ACACB: variants seen among roughly 807,000 people sequenced by gnomAD.
ACACB encodes the protein acetyl-CoA carboxylase beta.
Under a neutral mutation model 278.8 loss-of-function variants are expected in ACACB, and 209 were observed. The observed-to-expected ratio is 0.75, with a 90% CI of 0.67 to 0.84. The LOEUF (loss-of-function observed/expected upper bound fraction) is 0.84, where lower values mean the gene tolerates loss of function less well. Among genes scored for constraint, ACACB ranks in the 40% least tolerant of loss-of-function variants. The pLI is 0.00. For missense variants in ACACB, 2,850 were observed against 3,269.0 expected (o/e 0.87, Z 3.13); for synonymous variants, 1,174 against 1,285.6 (o/e 0.91, Z 1.86).
intron 10 of ACACB, 22 bp from the exon 11 acceptor site, chr12:109,179,895 G>T (rs377153517): frequency 3.1e-6 from 5 of 1,593,246 alleles, no homozygotes; most frequent in Non-Finnish European, 3.4e-6. Flanking sequence ...AACCCCCTTG[G>T]CCTCTTTCTG....
chr12:109,262,277 C>T (rs2047398229), intron 48 of ACACB, 80 bp from the exon 49 acceptor site: 1 of 1,137,120 alleles, frequency 8.8e-7, no homozygotes, highest in East Asian at 2.4e-5. Context: ...TCTCTTCCCT[C>T]CAGCTCCCCC....
chr12:109,220,287 A>G (rs2046122163), intron 24 of ACACB, among the ~76,000 whole-genome samples: 2 of 152,240 alleles, frequency 1.3e-5, no homozygotes, highest in South Asian at 4.1e-4. Context: ...CCCATTTGTT[A>G]GAAAATAGTG....
intron 19 of ACACB, among the ~76,000 whole-genome samples, chr12:109,202,885 A>G (rs2045377646): frequency 6.6e-6 from 1 of 152,200 alleles, no homozygotes; most frequent in African/African-American, 2.4e-5. Flanking sequence ...AAAATTTACC[A>G]TCTTAGCCAT....
chr12:109,146,727 T>C (rs1191428330), intron 2 of ACACB, among the ~76,000 whole-genome samples: 1 of 152,144 alleles, frequency 6.6e-6, no homozygotes, highest in African/African-American at 2.4e-5. Flanking sequence ...CAGGCTGGAG[T>C]GCAGTAGCAT....
intron 15 of ACACB, among the ~76,000 whole-genome samples, chr12:109,192,522 C>T (rs2044930758): frequency 6.6e-6 from 1 of 152,166 alleles, no homozygotes; most frequent in African/African-American, 2.4e-5. Flanking sequence ...CAGCCCTTCC[C>T]TCTGAGTCAT....
chr12:109,213,658 G>A (rs1407644340), intron 22 of ACACB, among the ~76,000 whole-genome samples: 12 of 151,710 alleles, frequency 7.9e-5, no homozygotes, highest in African/African-American at 2.4e-4. Context: ...GTAATGGTTC[G>A]ATCTTGGCTC....
intron 45 of ACACB, 74 bp downstream of exon 45, chr12:109,256,310 G>A: frequency 8.7e-7 from 1 of 1,149,606 alleles, no homozygotes. Context: ...GTGAGGCCAG[G>A]GACCTCCAGG....
intron 7 of ACACB, 125 bp from the exon 8 acceptor site, chr12:109,175,804 GTC>G: frequency 1.4e-6 from 1 of 704,564 alleles, no homozygotes; most frequent in East Asian, 2.6e-5. Context: ...TGAAGGGAGT[GTC>G]TGTATTCCGC....
intron 12 of ACACB, 86 bp downstream of exon 12, chr12:109,185,826 C>T (rs777057390): frequency 7.3e-7 from 1 of 1,365,710 alleles, no homozygotes; most frequent in South Asian, 1.5e-5. Flanking sequence ...GAAGAGACAC[C>T]CACAAGCTAT....
At chr12:109,184,262 A>T (rs2044578012) in intron 11 of ACACB, among the ~76,000 whole-genome samples, 1 of 152,168 alleles carries the variant, frequency 6.6e-6, no homozygotes, top group Non-Finnish European at 1.5e-5. Flanking sequence ...CATGTTGGCC[A>T]GGCTGGTCTC....
intron 15 of ACACB, 24 bp from the exon 16 acceptor site, chr12:109,193,624 C>G: frequency 6.3e-7 from 1 of 1,596,860 alleles, no homozygotes; most frequent in Non-Finnish European, 8.6e-7. Flanking sequence ...CCAAGGCTGA[C>G]CACAACCCTG....
intron 44 of ACACB, 119 bp from the exon 45 acceptor site, chr12:109,256,021 A>C: frequency 1.5e-6 from 1 of 675,564 alleles, no homozygotes; most frequent in South Asian, 1.9e-5. Flanking sequence ...AGAAAGGGGT[A>C]TCTGGGCTAT....
intron 43 of ACACB, among the ~76,000 whole-genome samples, chr12:109,253,370 ATTGTAAGGATGCTATCTGTTAATCC>A (rs1371908495): frequency 8.5e-5 from 13 of 152,158 alleles, no homozygotes; most frequent in African/African-American, 3.1e-4. Flanking sequence ...CACTAATGCC[ATTGTAAGGATGCTATCTGTTAATCC>A]TTTAGAAAGA....
chr12:109,160,780 C>T (rs1038246166), intron 2 of ACACB, among the ~76,000 whole-genome samples: 3 of 152,208 alleles, frequency 2.0e-5, no homozygotes, highest in African/African-American at 7.2e-5. Flanking sequence ...AAGGCCAGTC[C>T]GGCAGCTTTG....
intron 11 of ACACB, among the ~76,000 whole-genome samples, chr12:109,183,871 C>CTT (rs1200999043): frequency 1.8e-4 from 28 of 151,934 alleles, no homozygotes; most frequent in Middle Eastern, 6.8e-3. Context: ...CTCCCTTCCT[C>CTT]TTTTTCTTCC....
chr12:109,117,255 G>T (rs1294959283), intron 1 of ACACB, among the ~76,000 whole-genome samples: 2 of 150,862 alleles, frequency 1.3e-5, no homozygotes, highest in Non-Finnish European at 3.0e-5. Context: ...AGCTACTTGG[G>T]AGGCTGAGGC....
In ACACB at chr12:109,136,563, CAT is replaced by C. The variant is rs539924710; in HGVS notation, c.-9-2831_-9-2830del. Among the ~76,000 whole-genome samples, 237 of 152,310 alleles carry C rather than the reference CAT, an allele frequency of 1.6e-3. 1 individual carries two copies. Among genetic ancestry groups the C allele is most frequent in the African/African-American group, 5.4e-3 (226 of 41,586 alleles). On this transcript the variant is annotated intron_variant, in intron 1 of 52. Coordinates refer to ENST00000338432, the MANE Select transcript of ACACB (RefSeq NM_001093.4). ...AGAAAAAGGAAACATTGAAATTAAA[CAT>C]ATTTATTTCTAGGTGTTTTATTCTT... is the stretch of plus-strand genomic sequence containing the variant.
chr12:109,212,769 TC>T (rs1452617206), intron 21 of ACACB, 66 bp from the exon 22 acceptor site: 1 of 1,400,154 alleles, frequency 7.1e-7, no homozygotes, highest in African/African-American at 1.4e-5. Flanking sequence ...GGGGACCCTT[TC>T]TTTAGGGGAC....
At position 109,211,342 on chromosome 12, in the gene ACACB, CTT is replaced by C. The variant is rs35008047; in HGVS notation, c.3250-1473_3250-1472del. 8.6e-4 allele frequency among the ~76,000 whole-genome samples: 95 copies of C among 109,950 alleles called. 1 individual carries two copies. The highest frequency in any genetic ancestry group is 1.7e-3 in the African/African-American group (48 of 27,526). The allele number at this position is 109,950 out of a possible 152,430, so 72.1% of individuals were successfully genotyped here. ...AAAGACCACATATTATGTGATTCCT[CTT>C]TTTTTTTTTTTTTTTTTTTTGAGAC... On this transcript the variant is annotated intron_variant, in intron 21 of 52. Transcript: ENST00000338432.
Sources: allele counts gnomAD v4.1 joint callset (sites outside exome capture counted in the v4.1 genomes callset), GRCh38; gene constraint gnomAD v4.1.1; transcripts MANE v1.5; gene names NCBI Gene and HGNC (gene_info 2026-07-23, HGNC 2026-07-21).